Variants in C22orf23 observed in about 807,000 individuals in gnomAD.
C22orf23 encodes the protein chromosome 22 open reading frame 23, also known as UPF0193 protein EVG1.
In C22orf23, 30 loss-of-function variants were observed where a neutral mutation model predicts 29.7. The observed-to-expected ratio is 1.01, with a 90% confidence interval of 0.76 to 1.37. The LOEUF (loss-of-function observed/expected upper bound fraction) is 1.37. Ranked by LOEUF, C22orf23 falls within the 40% of genes most tolerant of loss-of-function variation. C22orf23 has a pLI of 0.00. For synonymous variants in C22orf23, 90 were observed against 96.1 expected (o/e 0.94, Z 0.37); for missense variants, 237 against 273.1 (o/e 0.87, Z 0.93).
At chr22:37,947,158 G>T in intron 4 of C22orf23, 123 bp downstream of exon 4, 3 of 1,000,032 alleles carry the variant, frequency 3.0e-6, no homozygotes, top group Non-Finnish European at 4.5e-6. Flanking sequence ...CAAGAGCATT[G>T]GTACAAAGTG....
In C22orf23 at chr22:37,953,309, TC is replaced by T. The variant is rs571299659; in HGVS notation, c.-10+138del. ...ATTGCGACAGTGCCCAAACCTCCCATCCAGACACACAGATACACACACACAG... is the reference window on the plus strand; with the variant it reads ...ATTGCGACAGTGCCCAAACCTCCCATCAGACACACAGATACACACACACAG... On this transcript the variant is annotated intron_variant, in intron 1 of 6. Coordinates refer to ENST00000403305, the MANE Select transcript of C22orf23 (RefSeq NM_032561.5). 250 of 609,024 alleles carry T rather than the reference TC, an allele frequency of 4.1e-4. 3 individuals carry two copies. The African/African-American group carries it at 4.3e-3, about 10-fold the overall frequency. The allele number at this position is 609,024 out of a possible 1,614,324, so 37.7% of individuals were successfully genotyped here. A position where few individuals can be genotyped will look rare whatever the true frequency, so the allele number is the denominator to read the frequency against.
Position 37,944,264 on chromosome 22 carries a change from G to T in C22orf23, c.583-18C>A. ...CGGAGTTTCTGCAAAGGGCATCAGG[G>T]AAAGCAGGTGTATCAGGGCTAGGAA... On this transcript the variant is annotated intron_variant, in intron 6 of 6. Transcript: ENST00000403305. 6.2e-7 allele frequency: 1 copy of T among 1,614,194 alleles called. No individual in the cohort carries two copies. Among genetic ancestry groups the T allele is most frequent in the Non-Finnish European group, 8.5e-7 (1 of 1,180,020 alleles).
intron 4 of C22orf23, among the ~76,000 whole-genome samples, chr22:37,945,494 CTT>C (rs369277812): frequency 2.2e-4 from 29 of 129,060 alleles, no homozygotes; most frequent in East Asian, 4.7e-4. Context: ...TTTTTTTCTT[CTT>C]TTTTTTTTTT....
intron 4 of C22orf23, 82 bp downstream of exon 4, chr22:37,947,199 T>C: frequency 6.9e-7 from 1 of 1,450,090 alleles, no homozygotes; most frequent in Non-Finnish European, 9.6e-7. Context: ...CCTTCCCACC[T>C]GCCCTGTGGG....
intron 2 of C22orf23, among the ~76,000 whole-genome samples, chr22:37,952,192 C>T (rs1036619845): frequency 6.6e-6 from 1 of 151,962 alleles, no homozygotes; most frequent in African/African-American, 2.4e-5. Context: ...TGGAAAAAAA[C>T]AAAAAAGTTG....
intron 3 of C22orf23, among the ~76,000 whole-genome samples, chr22:37,950,441 T>C (rs948090450): frequency 6.6e-6 from 1 of 152,012 alleles, no homozygotes; most frequent in Non-Finnish European, 1.5e-5. Flanking sequence ...TTTAATTTTA[T>C]TTTATTTTAA....
rs761276963 is a variant in C22orf23 at position 37,947,305 on chromosome 22, C to T, written c.325G>A (p.Glu109Lys). 29 of 1,613,810 alleles carry T rather than the reference C, an allele frequency of 1.8e-5. No individual in the cohort carries two copies. The highest frequency in any genetic ancestry group is 2.3e-5 in the Non-Finnish European group (27 of 1,180,014). ...MCQANGAYSR[E>K]QFKPQATRDL... Reference sequence around the variant, plus strand: ...CTGGTGGCTTGAGGCTTGAACTGCTCCCGGCTGTAGGCCCCATTGGCTTGA... The same window carrying T: ...CTGGTGGCTTGAGGCTTGAACTGCTTCCGGCTGTAGGCCCCATTGGCTTGA... Residue 109 changes from glutamate to lysine, a missense_variant, in exon 4 of 7, where the codon GAG becomes AAG. Coordinates refer to ENST00000403305, the MANE Select transcript of C22orf23 (RefSeq NM_032561.5).
Position 37,945,051 on chromosome 22 carries a change from A to G in C22orf23, c.472T>C (p.Phe158Leu), listed in dbSNP as rs1228803772. The stretch of plus-strand genomic sequence containing the variant: ...TCCGTCGGAGTCTTACGCTCTTCAA[A>G]TCGGTCTAGCTCAGGGGCTGGAGCC... ...QKAPAPELDRFEELVKEIQER... is the reference protein window; with the variant it reads ...QKAPAPELDRLEELVKEIQER... The change falls in exon 5 of 7, where the codon TTT (phenylalanine) becomes CTT (leucine). Residue 158 changes from phenylalanine (F) to leucine (L), a missense_variant. Phe to Leu is a conservative substitution (Grantham distance 22). Transcript: ENST00000403305. 16 of 1,606,838 alleles carry G rather than the reference A, an allele frequency of 1.0e-5. No individual in the cohort carries two copies. Among genetic ancestry groups the G allele is most frequent in the African/African-American group, 2.7e-5 (2 of 73,886 alleles).
chr22:37,953,339 T>A, intron 1 of C22orf23, 109 bp downstream of exon 1: 1 of 587,574 alleles, frequency 1.7e-6, no homozygotes, highest in South Asian at 2.0e-5. Flanking sequence ...CACACAGTCC[T>A]CATTCTGACC....
intron 2 of C22orf23, 186 bp downstream of exon 2, chr22:37,952,861 G>C (rs1931144888): frequency 1.8e-6 from 1 of 551,382 alleles, no homozygotes; most frequent in Admixed American, 3.3e-5. Context: ...ACCCTATTGT[G>C]AACTGCGCAC....
At position 37,953,300 on chromosome 22, in the gene C22orf23, A is replaced by C. The variant is rs949620413; in HGVS notation, c.-9-142T>G. ...CCAGTTAATATTGCGACAGTGCCCA[A>C]ACCTCCCATCCAGACACACAGATAC... On this transcript the variant is annotated intron_variant, in intron 1 of 6. Coordinates refer to ENST00000403305, the MANE Select transcript of C22orf23 (RefSeq NM_032561.5). 4.9e-6 allele frequency: 3 copies of C among 616,520 alleles called. No individual in the cohort carries two copies. The African/African-American group carries it at 5.5e-5, about 11-fold the overall frequency. 38.2% of individuals were successfully genotyped at this position (616,520 alleles called of 1,614,324 possible).
intron 2 of C22orf23, among the ~76,000 whole-genome samples, chr22:37,951,973 G>C (rs1397095950): frequency 6.6e-6 from 1 of 151,370 alleles, no homozygotes; most frequent in Non-Finnish European, 1.5e-5. Context: ...GCGCCACCAC[G>C]CCCGGCTAAT....
At chr22:37,951,726 A>G in intron 2 of C22orf23, 1 of 248,082 alleles carries the variant, frequency 4.0e-6, no homozygotes, top group Non-Finnish European at 7.4e-6. Flanking sequence ...CTTCTATATT[A>G]GCTGTATGAT....
In C22orf23 at chr22:37,948,686, C is replaced by T. The variant is rs78636526; in HGVS notation, c.167-1223G>A. 8.8e-3 allele frequency among the ~76,000 whole-genome samples: 1,339 copies of T among 152,262 alleles called. 22 individuals carry two copies. The highest frequency in any genetic ancestry group is 0.031 in the African/African-American group (1,295 of 41,562). ...CAGTACAAGGAGTCTTCTCTTCTTCCTTCCAGTCCCACCCCTCTATAATGA... is the reference window on the plus strand; with the variant it reads ...CAGTACAAGGAGTCTTCTCTTCTTCTTTCCAGTCCCACCCCTCTATAATGA... On this transcript the variant is annotated intron_variant, in intron 3 of 6. Coordinates refer to ENST00000403305, the MANE Select transcript of C22orf23 (RefSeq NM_032561.5).
chr22:37,951,637 T>C (rs1452398991), intron 2 of C22orf23, 115 bp from the exon 3 acceptor site: 4 of 728,876 alleles, frequency 5.5e-6, no homozygotes, highest in Admixed American at 5.3e-5. Flanking sequence ...TGAGCATGCC[T>C]TCTCTATCTT....
rs1930546806 is a variant in C22orf23 at position 37,944,122 on chromosome 22, G to T, written c.*53C>A. ...CTGAGGATGGCCCTGCCTGGCAGAG[G>T]AGTGGACTCCAGTGGTCGAGCTTGG... On this transcript the variant is annotated 3_prime_UTR_variant, in exon 7 of 7. Coordinates refer to ENST00000403305, the MANE Select transcript of C22orf23 (RefSeq NM_032561.5). The T allele has an allele frequency of 3.9e-6, 6 of 1,527,430 alleles. No homozygotes were observed. Among genetic ancestry groups the T allele is most frequent in the Non-Finnish European group, 5.4e-6 (6 of 1,101,062 alleles). 94.6% of individuals were successfully genotyped at this position (1,527,430 alleles called of 1,614,324 possible).
intron 3 of C22orf23, among the ~76,000 whole-genome samples, chr22:37,949,692 T>C (rs1930905184): frequency 6.6e-6 from 1 of 151,670 alleles, no homozygotes. Flanking sequence ...CTCCTGACTT[T>C]GGGTGATCTG....
At position 37,953,046 on chromosome 22, in the gene C22orf23, C is replaced by CAGCTCG; in HGVS notation, c.103_103+1insCGAGCT (p.Val35delinsAlaSerLeu). 2 of 1,612,656 alleles carry CAGCTCG rather than the reference C, an allele frequency of 1.2e-6. No homozygotes were observed. Among genetic ancestry groups the CAGCTCG allele is most frequent in the Non-Finnish European group, 1.7e-6 (2 of 1,179,062 alleles). On this transcript the variant is annotated protein_altering_variant and splice_region_variant. Coordinates refer to ENST00000403305, the MANE Select transcript of C22orf23 (RefSeq NM_032561.5). ...TGGGATCGCTGCTTTAACGGACTGACCTCTGAGCAGCTCGCAGGTCCCCGG... is the reference window on the plus strand; with the variant it reads ...TGGGATCGCTGCTTTAACGGACTGACAGCTCGCTCTGAGCAGCTCGCAGGTCCCCGG...
intron 3 of C22orf23, 122 bp from the exon 4 acceptor site, chr22:37,947,585 A>ACTG: frequency 1.3e-6 from 1 of 760,386 alleles, no homozygotes; most frequent in Non-Finnish European, 1.9e-6. Flanking sequence ...ATCTCGGCTT[A>ACTG]CTGCAACCTC....
Sources: allele counts gnomAD v4.1 joint callset (sites outside exome capture counted in the v4.1 genomes callset), GRCh38; gene constraint gnomAD v4.1.1; transcripts MANE v1.5; gene names NCBI Gene and HGNC (gene_info 2026-07-23, HGNC 2026-07-21).